KCNIP4: variants seen among roughly 807,000 people sequenced by gnomAD.
The protein encoded by KCNIP4 is Kv channel-interacting protein 4.
A neutral mutation model predicts 34.0 loss-of-function variants in KCNIP4; 12 were observed. The observed-to-expected ratio is 0.35, with a 90% CI of 0.23 to 0.57. The LOEUF (loss-of-function observed/expected upper bound fraction) is 0.57. Among genes scored for constraint, KCNIP4 ranks in the 20% least tolerant of loss-of-function variants. The probability of loss-of-function intolerance (pLI) is 0.83; values close to 1 mark genes in which losing one functional copy is unlikely to be tolerated. For missense variants in KCNIP4, 238 were observed against 311.7 expected (o/e 0.76, Z 1.78); for synonymous variants, 124 against 102.2 (o/e 1.21, Z -1.29).
chr4:21,868,543 A>G (rs1219355426), intron 1 of KCNIP4, among the ~76,000 whole-genome samples: 1 of 152,214 alleles, frequency 6.6e-6, no homozygotes, highest in African/African-American at 2.4e-5. Context: ...AGAAGTAAGA[A>G]TAGTAGCAAC....
Position 21,625,651 on chromosome 4 carries a change from T to C in KCNIP4, c.61+322920A>G, listed in dbSNP as rs141974226. On this transcript the variant is annotated intron_variant, in intron 1 of 8. Coordinates refer to ENST00000382152, the MANE Select transcript of KCNIP4 (RefSeq NM_025221.6). ...GCAGGGCCTGAACAAAAGCCAGGTC[T>C]GCCCTTCTTTTAAGTCACTCTATAT... Among the ~76,000 whole-genome samples the C allele has an allele frequency of 8.1e-4, 124 of 152,336 alleles. 1 individual carries two copies. The highest frequency in any genetic ancestry group is 3.4e-3 in the Middle Eastern group (1 of 294).
At chr4:21,720,025 GAGA>G (rs1190771469) in intron 1 of KCNIP4, among the ~76,000 whole-genome samples, 1 of 122,538 alleles carries the variant, frequency 8.2e-6, no homozygotes, top group Non-Finnish European at 1.5e-5. Context: ...GAAGGAGAAG[GAGA>G]AGGAGAAGGA....
At chr4:21,282,228 T>G in intron 1 of KCNIP4, among the ~76,000 whole-genome samples, 2 of 152,376 alleles carry the variant, frequency 1.3e-5, no homozygotes, top group East Asian at 3.9e-4. Context: ...ATTTGTTATT[T>G]TTCTTACGTT....
intron 1 of KCNIP4, among the ~76,000 whole-genome samples, chr4:20,990,523 C>A (rs921327703): frequency 2.6e-5 from 4 of 152,228 alleles, no homozygotes; most frequent in Middle Eastern, 3.2e-3. Context: ...TCCTAAGACA[C>A]TTCCAGCAAT....
At chr4:20,774,635 T>C (rs1302102124) in intron 3 of KCNIP4, among the ~76,000 whole-genome samples, 1 of 152,200 alleles carries the variant, frequency 6.6e-6, no homozygotes, top group East Asian at 1.9e-4. Context: ...CGATAAGTGC[T>C]ACAAACCAAG....
At chr4:20,945,971 G>A (rs1732150532) in intron 1 of KCNIP4, among the ~76,000 whole-genome samples, 1 of 152,144 alleles carries the variant, frequency 6.6e-6, no homozygotes, top group Admixed American at 6.6e-5. Context: ...TATAAGGACT[G>A]AGAGAAGAGA....
At chr4:20,843,238 T>C (rs1423858941) in intron 3 of KCNIP4, among the ~76,000 whole-genome samples, 2 of 152,046 alleles carry the variant, frequency 1.3e-5, no homozygotes, top group African/African-American at 4.8e-5. Context: ...TAAATGAAGG[T>C]AACATTTTTG....
At position 21,715,289 on chromosome 4, in the gene KCNIP4, G is replaced by T. The variant is rs531861911; in HGVS notation, c.61+233282C>A. On this transcript the variant is annotated intron_variant, in intron 1 of 8. Coordinates refer to ENST00000382152, the MANE Select transcript of KCNIP4 (RefSeq NM_025221.6). Reference sequence around the variant, plus strand: ...TGGGACTACAGGCGCCCGCCATCATGCCCGGCTAATTTTTCTATTTTTAGT... The same window carrying T: ...TGGGACTACAGGCGCCCGCCATCATTCCCGGCTAATTTTTCTATTTTTAGT... 1.4e-3 allele frequency among the ~76,000 whole-genome samples: 215 copies of T among 151,690 alleles called. 3 individuals are homozygous for T. The highest frequency in any genetic ancestry group is 4.9e-3 in the African/African-American group (201 of 41,326).
At chr4:21,039,624 C>T (rs1044482183) in intron 1 of KCNIP4, among the ~76,000 whole-genome samples, 2 of 152,112 alleles carry the variant, frequency 1.3e-5, no homozygotes, top group Non-Finnish European at 2.9e-5. Flanking sequence ...ATAACTGTTA[C>T]TAATGAAATA....
intron 3 of KCNIP4, among the ~76,000 whole-genome samples, chr4:20,818,622 C>T (rs1362022419): frequency 6.6e-6 from 1 of 152,170 alleles, no homozygotes; most frequent in African/African-American, 2.4e-5. Flanking sequence ...GTGTGTAGTG[C>T]TGTTGTGAGA....
chr4:21,598,981 A>C (rs1239552560), intron 1 of KCNIP4, among the ~76,000 whole-genome samples: 1 of 152,092 alleles, frequency 6.6e-6, no homozygotes, highest in Admixed American at 6.6e-5. Context: ...AACATATCAG[A>C]ATTTATGAAG....
intron 1 of KCNIP4, among the ~76,000 whole-genome samples, chr4:21,606,824 G>A (rs912111615): frequency 2.0e-5 from 3 of 151,956 alleles, no homozygotes; most frequent in African/African-American, 4.8e-5. Flanking sequence ...AATTCCTGAC[G>A]TTAGTTTTTA....
intron 1 of KCNIP4, among the ~76,000 whole-genome samples, chr4:21,595,311 G>A (rs1022563488): frequency 7.2e-5 from 11 of 152,084 alleles, no homozygotes; most frequent in African/African-American, 2.7e-4. Flanking sequence ...TCCCTGCACA[G>A]GACATGAACT....
At chr4:21,504,534 A>G (rs1198430811) in intron 1 of KCNIP4, among the ~76,000 whole-genome samples, 2 of 151,856 alleles carry the variant, frequency 1.3e-5, no homozygotes, top group African/African-American at 4.8e-5. Flanking sequence ...CAAGCAAGCA[A>G]GCAAAGCAAA....
At chr4:21,327,667 G>C (rs1715221933) in intron 1 of KCNIP4, among the ~76,000 whole-genome samples, 1 of 151,848 alleles carries the variant, frequency 6.6e-6, no homozygotes, top group Non-Finnish European at 1.5e-5. Flanking sequence ...TCCTCTTCAA[G>C]GCCAATAACT....
intron 1 of KCNIP4, among the ~76,000 whole-genome samples, chr4:21,386,714 A>AG (rs902153173): frequency 6.6e-6 from 1 of 152,074 alleles, no homozygotes; most frequent in African/African-American, 2.4e-5. Flanking sequence ...CAGGTGAGGG[A>AG]GGGGACACGA....
chr4:21,673,300 A>C (rs1037920822), intron 1 of KCNIP4, among the ~76,000 whole-genome samples: 20 of 152,316 alleles, frequency 1.3e-4, no homozygotes, highest in Non-Finnish European at 1.9e-4. Context: ...AAATGACTCA[A>C]AAGTGTTATT....
At chr4:21,537,486 T>C (rs547317361) in intron 1 of KCNIP4, among the ~76,000 whole-genome samples, 7 of 152,148 alleles carry the variant, frequency 4.6e-5, no homozygotes, top group Non-Finnish European at 4.4e-5. Flanking sequence ...GTGTGTATAA[T>C]GTAGCCCTTG....
chr4:21,317,856 C>T (rs1713949539), intron 1 of KCNIP4, among the ~76,000 whole-genome samples: 1 of 152,178 alleles, frequency 6.6e-6, no homozygotes, highest in South Asian at 2.1e-4. Flanking sequence ...TGCACAAGCT[C>T]TCTAACTCTT....
Sources: allele counts gnomAD v4.1 joint callset (sites outside exome capture counted in the v4.1 genomes callset), GRCh38; gene constraint gnomAD v4.1.1; transcripts MANE v1.5; gene names NCBI Gene and HGNC (gene_info 2026-07-23, HGNC 2026-07-21).